The following PPFIA3 variants were observed in gnomAD, a reference collection of about 807,000 sequenced individuals.
PPFIA3 encodes liprin-alpha-3.
Under a neutral mutation model 145.8 loss-of-function variants are expected in PPFIA3, and 26 were observed. That is an observed-to-expected ratio of 0.18 (90% CI 0.13 to 0.25). The LOEUF (loss-of-function observed/expected upper bound fraction) is 0.25, where lower values mean the gene tolerates loss of function less well. Ranked by LOEUF, PPFIA3 falls within the 10% of genes least tolerant of loss-of-function variation. The pLI, the probability that PPFIA3 is intolerant of heterozygous loss-of-function variation, is 1.00. For missense variants in PPFIA3, 1,008 were observed against 1,587.8 expected (o/e 0.63, Z 6.21); for synonymous variants, 645 against 661.4 (o/e 0.98, Z 0.38).
chr19:49,126,533 G>A (rs2041001361), intron 1 of PPFIA3, among the ~76,000 whole-genome samples: 2 of 150,628 alleles, frequency 1.3e-5, no homozygotes, highest in African/African-American at 2.4e-5. Flanking sequence ...TTACAGGCAT[G>A]AGCCACTGCG....
intron 19 of PPFIA3, 70 bp downstream of exon 19, chr19:49,141,583 C>CGTGTGT (rs112961847): frequency 2.5e-6 from 3 of 1,218,882 alleles, no homozygotes; most frequent in Non-Finnish European, 3.6e-6. Context: ...TGTGTGTGTG[C>CGTGTGT]GTGTATGTGT....
Position 49,149,966 on chromosome 19 carries a change from T to A in PPFIA3, c.3527-114T>A, listed in dbSNP as rs895975462. On this transcript the variant is annotated intron_variant, in intron 28 of 29. Transcript: ENST00000334186. This position sits in a 1 kb window ranked among gnomAD's most constrained non-coding sequence, Gnocchi z 5.7. ...GCTGCGGGGAAGGGAGGGAAACCCA[T>A]GTGGAGCCCGGCGATCGTTGTGACA... is the stretch of plus-strand genomic sequence containing the variant. The A allele has an allele frequency of 3.8e-6, 5 of 1,313,822 alleles. No individual in the cohort carries two copies. Among genetic ancestry groups the A allele is most frequent in the Non-Finnish European group, 2.1e-6 (2 of 949,820 alleles). 81.4% of individuals were successfully genotyped at this position (1,313,822 alleles called of 1,614,324 possible). A position where few individuals can be genotyped will look rare whatever the true frequency, so the allele number is the denominator to read the frequency against.
chr19:49,129,865 A>G, intron 5 of PPFIA3, 128 bp from the exon 6 acceptor site: 1 of 950,098 alleles, frequency 1.1e-6, no homozygotes, highest in South Asian at 1.4e-5. Flanking sequence ...TGGGGTAGGC[A>G]TGGCCCCAGC....
chr19:49,124,397 G>T (rs763379963), intron 1 of PPFIA3, among the ~76,000 whole-genome samples: 5 of 152,024 alleles, frequency 3.3e-5, no homozygotes, highest in Non-Finnish European at 4.4e-5. Flanking sequence ...TCCCTAGCAG[G>T]CTCTGAGTTC....
intron 1 of PPFIA3, among the ~76,000 whole-genome samples, chr19:49,127,603 A>T (rs183772171): frequency 0.011 from 1,693 of 150,836 alleles, 21 homozygotes; most frequent in African/African-American, 0.03. Context: ...TGTTAAAAAA[A>T]AATAATAATA....
Position 49,133,704 on chromosome 19 carries a change from C to T in PPFIA3, c.1162-92C>T, listed in dbSNP as rs2041103256. The T allele has an allele frequency of 9.6e-6, 13 of 1,353,456 alleles. No homozygotes were observed. Among genetic ancestry groups the T allele is most frequent in the Non-Finnish European group, 1.4e-5 (13 of 960,740 alleles). 83.8% of individuals were successfully genotyped at this position (1,353,456 alleles called of 1,614,324 possible). On this transcript the variant is annotated intron_variant, in intron 9 of 29. Coordinates refer to ENST00000334186, the MANE Select transcript of PPFIA3 (RefSeq NM_003660.4). This position sits in a 1 kb window ranked among gnomAD's most constrained non-coding sequence, Gnocchi z 7.2. ...GGGGAGGAGCCTGGCGCTGTGGGGG[C>T]GGAGCCTGGCGCTCAGCCTTGGAGG... is the stretch of plus-strand genomic sequence containing the variant.
rs569849489 is a variant in PPFIA3, at chr19:49,119,824, G to C, written c.-16+102G>C. The C allele has an allele frequency of 7.6e-3, 1,157 of 151,910 alleles. 6 individuals are homozygous for C. Among genetic ancestry groups the C allele is most frequent in the Non-Finnish European group, 0.012 (808 of 68,008 alleles). 9.4% of individuals were successfully genotyped at this position (151,910 alleles called of 1,614,324 possible). On this transcript the variant is annotated intron_variant, in intron 1 of 29. Transcript: ENST00000334186. ...TCCCGGATTCCCTTCCTCATCCCAG[G>C]GGACCCCCGAGCCCAGATTTCACAC...
chr19:49,141,584 G>A (rs111402115), intron 19 of PPFIA3, 71 bp downstream of exon 19: 26 of 1,047,206 alleles, frequency 2.5e-5, no homozygotes, highest in African/African-American at 6.9e-5. Flanking sequence ...GTGTGTGTGC[G>A]TGTATGTGTG....
chr19:49,141,104 G>A (rs1453324643), intron 18 of PPFIA3, among the ~76,000 whole-genome samples: 1 of 152,142 alleles, frequency 6.6e-6, no homozygotes, highest in East Asian at 1.9e-4. Context: ...TGGCCATGGT[G>A]GGATTATTTA....
In PPFIA3 at chr19:49,130,355, G is replaced by T. The variant is rs1309934470; in HGVS notation, c.658-23G>T. The T allele has an allele frequency of 1.9e-6, 3 of 1,568,026 alleles. No homozygotes were observed. Among genetic ancestry groups the T allele is most frequent in the Non-Finnish European group, 2.6e-6 (3 of 1,153,132 alleles). The stretch of plus-strand genomic sequence containing the variant: ...GTCTCCGGAGACACTCTGGGATCTT[G>T]TCCCCTCCTTCCCTCACTCCAGACT... On this transcript the variant is annotated intron_variant, in intron 6 of 29. Transcript: ENST00000334186. The surrounding 1 kb of genome is among the most constrained non-coding windows in gnomAD (Gnocchi z 4.5).
In PPFIA3 at chr19:49,120,128, A is replaced by T. The variant is rs983259808; in HGVS notation, c.-16+406A>T. Among the ~76,000 whole-genome samples, 1 of 151,992 alleles carries T rather than the reference A, an allele frequency of 6.6e-6. No homozygotes were observed. The highest frequency in any genetic ancestry group is 1.5e-5 in the Non-Finnish European group (1 of 67,962). Reference sequence around the variant, plus strand: ...CCCGTCGCCAGCCTCGGGCTTGCACAGCCGGCTGCGTCCCACGGTCCAGGC... The same window carrying T: ...CCCGTCGCCAGCCTCGGGCTTGCACTGCCGGCTGCGTCCCACGGTCCAGGC... On this transcript the variant is annotated intron_variant, in intron 1 of 29. Coordinates refer to ENST00000334186, the MANE Select transcript of PPFIA3 (RefSeq NM_003660.4). The surrounding 1 kb of genome is among the most constrained non-coding windows in gnomAD (Gnocchi z 4.6).
intron 7 of PPFIA3, among the ~76,000 whole-genome samples, chr19:49,131,335 ATTTTTTTTT>A (rs10553520): frequency 9.2e-6 from 1 of 108,444 alleles, no homozygotes; most frequent in East Asian, 2.5e-4. Context: ...CACCTGGCTA[ATTTTTTTTT>A]TTTTTTTTTT....
At chr19:49,122,997 A>T (rs1255173573) in intron 1 of PPFIA3, among the ~76,000 whole-genome samples, 4 of 151,214 alleles carry the variant, frequency 2.6e-5, no homozygotes, top group Non-Finnish European at 4.4e-5. Context: ...TTGGGATTAC[A>T]GGCAGGAGCC....
chr19:49,134,227 T>C (rs970677135), intron 11 of PPFIA3, 62 bp downstream of exon 11: 1 of 1,542,994 alleles, frequency 6.5e-7, no homozygotes, highest in African/African-American at 1.4e-5. Flanking sequence ...GCTGGAATCC[T>C]GGGGCCCCAG....
At position 49,120,316 on chromosome 19, in the gene PPFIA3, C is replaced by T. The variant is rs879717155; in HGVS notation, c.-16+594C>T. On this transcript the variant is annotated intron_variant, in intron 1 of 29. Transcript: ENST00000334186. This position sits in a 1 kb window ranked among gnomAD's most constrained non-coding sequence, Gnocchi z 4.6. ...GCCTTTGACCCGGGAATACCCGGGC[C>T]CTCCCCGACCAGGGCGCCCCAGCCT... 1.3e-5 allele frequency among the ~76,000 whole-genome samples: 2 copies of T among 152,134 alleles called. No homozygotes were observed. Among genetic ancestry groups the T allele is most frequent in the Admixed American group, 6.5e-5 (1 of 15,286 alleles).
intron 24 of PPFIA3, 195 bp from the exon 25 acceptor site, chr19:49,148,471 A>G: frequency 1.4e-6 from 1 of 738,168 alleles, no homozygotes; most frequent in Non-Finnish European, 2.2e-6. Context: ...TTAACCCTGG[A>G]CCCCTTCCAG....
intron 1 of PPFIA3, among the ~76,000 whole-genome samples, chr19:49,121,572 T>A (rs2040936596): frequency 6.6e-6 from 1 of 151,978 alleles, no homozygotes; most frequent in Non-Finnish European, 1.5e-5. Flanking sequence ...AGGTCAGGAT[T>A]TTGAGACCAG....
chr19:49,123,194 A>G (rs1236751151), intron 1 of PPFIA3, among the ~76,000 whole-genome samples: 2 of 150,984 alleles, frequency 1.3e-5, no homozygotes, highest in East Asian at 2.0e-4. Flanking sequence ...ACGCCTGGCT[A>G]ATTTTTTTTG....
rs757174125 is a variant in PPFIA3, at chr19:49,140,073, G to T, written c.2353G>T (p.Asp785Tyr). 11 of 1,614,044 alleles carry T rather than the reference G, an allele frequency of 6.8e-6. No homozygotes were observed. In the South Asian group the frequency reaches 9.9e-5, roughly 15 times the overall value. ...EKGRMGPPGR[D>Y]SSSLAGTPSD... ...GGGACGAATGGGACCCCCAGGCCGG[G>T]ACAGCTCTTCTCTGGGTGAGTACCT... The change falls in exon 18 of 30, where the codon GAC (aspartate) becomes TAC (tyrosine). Residue 785 changes from aspartate to tyrosine, a missense_variant. By Grantham distance (160) the Asp-to-Tyr change is radical (BLOSUM62 -3). This residue lies in a region of PPFIA3 where 202 missense variants were observed against 241.8 expected (regional missense o/e 0.84). Coordinates refer to ENST00000334186, the MANE Select transcript of PPFIA3 (RefSeq NM_003660.4).
Sources: gnomAD v4.1 joint callset for allele counts (sites outside exome capture counted in the v4.1 genomes callset) on GRCh38, gnomAD v4.1.1 for gene constraint, gnomAD v4.1.1 regional missense constraint, Gnocchi (gnomAD v3.1) non-coding constraint, MANE v1.5 for transcripts, NCBI Gene and HGNC (gene_info 2026-07-23, HGNC 2026-07-21) for gene names.